The following SMAP1 variants were observed in gnomAD, a reference collection of about 807,000 sequenced individuals.
SMAP1 encodes the protein stromal membrane-associated protein 1.
SMAP1 carries 24 observed loss-of-function variants against 58.5 expected under a neutral mutation model. That is an observed-to-expected ratio of 0.41 (90% CI 0.30 to 0.58). The LOEUF (loss-of-function observed/expected upper bound fraction) is 0.58, where lower values mean the gene tolerates loss of function less well. Among genes scored for constraint, SMAP1 ranks in the 20% least tolerant of loss-of-function variants. The pLI, the probability that SMAP1 is intolerant of heterozygous loss-of-function variation, is 0.29. For synonymous variants in SMAP1, 216 were observed against 196.6 expected, an observed-to-expected ratio of 1.10 and a Z score of -0.82; for missense variants, 563 against 566.3, an observed-to-expected ratio of 0.99 and a Z score of 0.06.
At chr6:70,770,615 CT>C (rs1189306179) in intron 3 of SMAP1, among the ~76,000 whole-genome samples, 1 of 152,050 alleles carries the variant, frequency 6.6e-6, no homozygotes, top group Non-Finnish European at 1.5e-5. Flanking sequence ...CCTTTAAGCC[CT>C]TCTCTATATT....
intron 1 of SMAP1, among the ~76,000 whole-genome samples, chr6:70,684,256 TAAG>T (rs1766843247): frequency 1.3e-5 from 2 of 152,178 alleles, no homozygotes; most frequent in African/African-American, 4.8e-5. Flanking sequence ...AGCGTGGAAA[TAAG>T]AGGTATTTGT....
chr6:70,816,324 T>G (rs1221468466), intron 6 of SMAP1, among the ~76,000 whole-genome samples: 1 of 152,134 alleles, frequency 6.6e-6, no homozygotes, highest in Non-Finnish European at 1.5e-5. Context: ...GTGGATTGTT[T>G]CTGATTTTGA....
rs368128658 is a variant in SMAP1, at chr6:70,785,255, C to T, written c.415-6434C>T. Among the ~76,000 whole-genome samples the T allele has an allele frequency of 8.6e-4, 131 of 152,092 alleles. 1 individual carries two copies. The highest frequency in any genetic ancestry group is 4.2e-3 in the East Asian group (22 of 5,184). ...AAATAAAGATGTTCTTTGAAACCAACGAGAACAAAGACACAACATACCAGA... is the reference window on the plus strand; with the variant it reads ...AAATAAAGATGTTCTTTGAAACCAATGAGAACAAAGACACAACATACCAGA... On this transcript the variant is annotated intron_variant, in intron 4 of 10. Transcript: ENST00000370455.
At chr6:70,829,713 A>T (rs1198776254) in intron 6 of SMAP1, among the ~76,000 whole-genome samples, 4 of 152,244 alleles carry the variant, frequency 2.6e-5, no homozygotes, top group Non-Finnish European at 5.9e-5. Flanking sequence ...GAAACTGATT[A>T]TAAATAAACT....
At chr6:70,770,173 C>G (rs1425836975) in intron 3 of SMAP1, among the ~76,000 whole-genome samples, 1 of 151,622 alleles carries the variant, frequency 6.6e-6, no homozygotes, top group Non-Finnish European at 1.5e-5. Flanking sequence ...TCTCTGGCTG[C>G]CCTTAACATT....
intron 1 of SMAP1, among the ~76,000 whole-genome samples, chr6:70,707,461 G>C (rs1767884361): frequency 6.6e-6 from 1 of 152,038 alleles, no homozygotes; most frequent in Non-Finnish European, 1.5e-5. Flanking sequence ...TAACATAACA[G>C]TAAAGGTCTT....
At chr6:70,796,082 G>A (rs1768594183) in intron 5 of SMAP1, among the ~76,000 whole-genome samples, 2 of 151,988 alleles carry the variant, frequency 1.3e-5, no homozygotes, top group South Asian at 4.1e-4. Context: ...CTGCACCATA[G>A]TTTACTACGA....
chr6:70,824,435 C>A (rs147932799), intron 6 of SMAP1, among the ~76,000 whole-genome samples: 10 of 152,082 alleles, frequency 6.6e-5, no homozygotes, highest in Admixed American at 3.3e-4. Context: ...ATAAAAAGTA[C>A]CGTTAAAGGT....
In SMAP1 at chr6:70,783,927, A is replaced by G. The variant is rs993431678; in HGVS notation, c.415-7762A>G. Among the ~76,000 whole-genome samples, 5 of 152,238 alleles carry G rather than the reference A, an allele frequency of 3.3e-5. No individual in the cohort carries two copies. In the East Asian group the frequency reaches 5.8e-4, roughly 18 times the overall value. On this transcript the variant is annotated intron_variant, in intron 4 of 10. Transcript: ENST00000370455. The stretch of plus-strand genomic sequence containing the variant: ...CCCCAATCTAGCAAGGAAGGCCAAC[A>G]TTCAGATTCAGGAAATACAGAGAAC...
intron 1 of SMAP1, among the ~76,000 whole-genome samples, chr6:70,704,477 A>G (rs1218799435): frequency 6.6e-6 from 1 of 152,180 alleles, no homozygotes; most frequent in African/African-American, 2.4e-5. Context: ...TAAAATGGTT[A>G]TATTCTGCAG....
In SMAP1 at chr6:70,783,047, A is replaced by G. The variant is rs138613545; in HGVS notation, c.415-8642A>G. On this transcript the variant is annotated intron_variant, in intron 4 of 10. Transcript: ENST00000370455. ...GGGAGGCATCCCCTAGTAGGGGCAGACTGACACCTCACACGACTGGGTACT... is the reference window on the plus strand; with the variant it reads ...GGGAGGCATCCCCTAGTAGGGGCAGGCTGACACCTCACACGACTGGGTACT... Among the ~76,000 whole-genome samples, 139 of 152,312 alleles carry G rather than the reference A, an allele frequency of 9.1e-4. 4 individuals carry two copies. The East Asian group carries it at 0.025, about 27-fold the overall frequency.
chr6:70,803,340 G>A (rs1768952104), intron 6 of SMAP1, among the ~76,000 whole-genome samples: 1 of 152,172 alleles, frequency 6.6e-6, no homozygotes, highest in Non-Finnish European at 1.5e-5. Flanking sequence ...GGGATCAGTG[G>A]TGATACCCCT....
At chr6:70,858,933 A>G (rs771627978) in intron 10 of SMAP1, 52 of 155,748 alleles carry the variant, frequency 3.3e-4, no homozygotes, top group Non-Finnish European at 7.1e-4. Context: ...GAACATTTCT[A>G]TTTCAGGTGC....
chr6:70,755,160 T>G, intron 3 of SMAP1, 95 bp downstream of exon 3: 1 of 938,574 alleles, frequency 1.1e-6, no homozygotes, highest in Non-Finnish European at 1.7e-6. Flanking sequence ...AGATGTGAAC[T>G]TTATCACGCT....
intron 2 of SMAP1, among the ~76,000 whole-genome samples, chr6:70,738,829 A>G (rs543066281): frequency 2.0e-5 from 3 of 152,300 alleles, no homozygotes; most frequent in South Asian, 2.1e-4. Flanking sequence ...ATGTTGTCCC[A>G]ATATTCAGTG....
intron 3 of SMAP1, among the ~76,000 whole-genome samples, chr6:70,768,295 C>G (rs2149906159): frequency 6.6e-6 from 1 of 152,206 alleles, no homozygotes; most frequent in South Asian, 2.1e-4. Context: ...CCCTCTTTTT[C>G]TATTGATTGG....
At chr6:70,747,011 ATAATTAT>A (rs1766072139) in intron 2 of SMAP1, among the ~76,000 whole-genome samples, 1 of 152,182 alleles carries the variant, frequency 6.6e-6, no homozygotes, top group Non-Finnish European at 1.5e-5. Context: ...ATCTAGAAAC[ATAATTAT>A]TAATTTTATT....
At chr6:70,747,430 T>G (rs1766091619) in intron 2 of SMAP1, among the ~76,000 whole-genome samples, 1 of 152,144 alleles carries the variant, frequency 6.6e-6, no homozygotes, top group African/African-American at 2.4e-5. Flanking sequence ...AAGGTGAAGG[T>G]TACAGCCAGT....
chr6:70,818,970 T>C (rs1418497814), intron 6 of SMAP1, among the ~76,000 whole-genome samples: 2 of 152,144 alleles, frequency 1.3e-5, no homozygotes, highest in Admixed American at 1.3e-4. Context: ...GCTGTCAGTT[T>C]TAGAACACTT....
Sources: allele counts gnomAD v4.1 joint callset (sites outside exome capture counted in the v4.1 genomes callset), GRCh38; gene constraint gnomAD v4.1.1; transcripts MANE v1.5; gene names NCBI Gene and HGNC (gene_info 2026-07-23, HGNC 2026-07-21).